The following POR variants were observed in gnomAD, a reference collection of about 807,000 sequenced individuals.
POR encodes the protein NADPH--cytochrome P450 reductase.
A neutral mutation model predicts 84.0 loss-of-function variants in POR; 56 were observed. That is an observed-to-expected ratio of 0.67 (90% CI 0.54 to 0.83). The LOEUF is 0.83. Ranked by LOEUF, POR falls within the 40% of genes least tolerant of loss-of-function variation. POR has a pLI of 0.00. For synonymous variants in POR, 414 were observed against 400.5 expected (o/e 1.03, Z -0.40); for missense variants, 938 against 944.3 (o/e 0.99, Z 0.09).
Position 75,942,967 on chromosome 7 carries a change from A to T in POR, c.-4-11022A>T, listed in dbSNP as rs1289634417. Among the ~76,000 whole-genome samples, 538 of 116,126 alleles carry T rather than the reference A, an allele frequency of 4.6e-3. 2 individuals are homozygous for T. The highest frequency in any genetic ancestry group is 6.2e-3 in the Non-Finnish European group (349 of 56,650). The allele number at this position is 116,126 out of a possible 152,430, so 76.2% of individuals were successfully genotyped here. ...TTTTTCTTTTTCTTTTTTTTTTTTTATTGAGATGGAGTCTTGCTCTGTCAC... is the reference window on the plus strand; with the variant it reads ...TTTTTCTTTTTCTTTTTTTTTTTTTTTTGAGATGGAGTCTTGCTCTGTCAC... On this transcript the variant is annotated intron_variant, in intron 1 of 15. Coordinates refer to ENST00000461988, the MANE Select transcript of POR (RefSeq NM_000941.3).
chr7:75,981,054 G>A lies in POR; in HGVS notation c.523G>A (p.Gly175Ser), dbSNP rs564863959. The change falls in exon 6 of 16, where the codon GGT becomes AGT. Residue 175 changes from glycine to serine, a missense_variant. By Grantham distance (56) the Gly-to-Ser change is moderately conservative. Transcript: ENST00000461988. ...GGCCCCTGTGTCCACGCAGGTGTTT[G>A]GTCTTGGGAACAAGACCTACGAGCA... 1.3e-6 allele frequency: 2 copies of A among 1,573,502 alleles called. No homozygotes were observed. Among genetic ancestry groups the A allele is most frequent in the Admixed American group, 3.6e-5 (2 of 55,086 alleles).
At chr7:75,962,210 C>T (rs1386182794) in intron 2 of POR, among the ~76,000 whole-genome samples, 1 of 152,072 alleles carries the variant, frequency 6.6e-6, no homozygotes, top group Non-Finnish European at 1.5e-5. Flanking sequence ...TAAACAAGAC[C>T]CATACACTGC....
In POR at chr7:75,933,545, C is replaced by T. The variant is rs577015540; in HGVS notation, c.-5+18366C>T. On this transcript the variant is annotated intron_variant, in intron 1 of 15. Coordinates refer to ENST00000461988, the MANE Select transcript of POR (RefSeq NM_000941.3). ...CCAGGATTACAGGCACCTGCCACCA[C>T]GCCTGGCTAATTTTTTGTATTTTTA... Among the ~76,000 whole-genome samples the T allele has an allele frequency of 1.6e-3, 240 of 151,946 alleles. 3 individuals carry two copies. Among genetic ancestry groups the T allele is most frequent in the South Asian group, 0.011 (52 of 4,796 alleles).
intron 1 of POR, among the ~76,000 whole-genome samples, chr7:75,952,410 G>A (rs1261880542): frequency 7.0e-6 from 1 of 141,990 alleles, no homozygotes; most frequent in Non-Finnish European, 1.6e-5. Context: ...GGCCGGGCGG[G>A]GGGCTGACCC....
At chr7:75,946,983 T>C (rs1361255110) in intron 1 of POR, 3 of 152,206 alleles carry the variant, frequency 2.0e-5, no homozygotes, top group Non-Finnish European at 4.4e-5. Context: ...CAAGTGATCA[T>C]TCTCAATGCG....
rs377159530 is a variant in POR, at chr7:75,985,693, G to A, written c.1513G>A (p.Glu505Lys). 1.3e-5 allele frequency: 21 copies of A among 1,591,368 alleles called. No homozygotes were observed. In the South Asian group the frequency reaches 2.1e-4, roughly 16 times the overall value. ...GCTGCGGGCCAAGGAGCCTGCCGGG[G>A]AGAACGGCGGCCGTGCGCTGGTGCC... The change falls in exon 13 of 16, where the codon GAG becomes AAG. Residue 505 changes from glutamate (E) to lysine (K), a missense_variant. By Grantham distance (56) the Glu-to-Lys change is moderately conservative. Coordinates refer to ENST00000461988, the MANE Select transcript of POR (RefSeq NM_000941.3).
intron 2 of POR, among the ~76,000 whole-genome samples, chr7:75,958,006 G>A (rs1261572661): frequency 6.6e-6 from 1 of 152,172 alleles, no homozygotes; most frequent in Admixed American, 6.5e-5. Flanking sequence ...GTAAGCTGGA[G>A]GTAGTAGTAG....
chr7:75,962,103 C>T (rs1554554596), intron 2 of POR, among the ~76,000 whole-genome samples: 1 of 152,158 alleles, frequency 6.6e-6, no homozygotes. Flanking sequence ...AGTAATTCTT[C>T]AGCATCGTTA....
Position 75,985,943 on chromosome 7 carries a change from C to G in POR, c.1690C>G (p.Leu564Val). The change falls in exon 14 of 16, where the codon CTG becomes GTG. Residue 564 changes from leucine to valine, a missense_variant. Leu to Val is a conservative substitution (Grantham distance 32, BLOSUM62 1). Coordinates refer to ENST00000461988, the MANE Select transcript of POR (RefSeq NM_000941.3). ...CGCAGGCAAGGAGGTGGGGGAGACG[C>G]TGCTGTACTACGGCTGCCGCCGCTC... 6.3e-7 allele frequency: 1 copy of G among 1,589,946 alleles called. No homozygotes were observed. The highest frequency in any genetic ancestry group is 8.6e-7 in the Non-Finnish European group (1 of 1,169,236).
chr7:75,941,558 C>T (rs1321573331), intron 1 of POR, among the ~76,000 whole-genome samples: 1 of 152,028 alleles, frequency 6.6e-6, no homozygotes, highest in Non-Finnish European at 1.5e-5. Flanking sequence ...CTAGAGTAGG[C>T]GCTAATAACT....
chr7:75,975,093 C>T (rs1788616259), intron 3 of POR, among the ~76,000 whole-genome samples: 1 of 151,896 alleles, frequency 6.6e-6, no homozygotes, highest in Non-Finnish European at 1.5e-5. Context: ...CTTTTCGTGA[C>T]TTCTGGTCTT....
Position 75,985,790 on chromosome 7 carries a change from G to A in POR, c.1610G>A (p.Gly537Asp). The change falls in exon 13 of 16, where the codon GGC becomes GAC. Residue 537 changes from glycine to aspartate, a missense_variant. Gly to Asp is a moderately conservative substitution (Grantham distance 94). Transcript: ENST00000461988. ...ACGCCTGTCATCATGGTGGGCCCCGGCACCGGGGTGGCACCCTTCATAGGC... is the reference window on the plus strand; with the variant it reads ...ACGCCTGTCATCATGGTGGGCCCCGACACCGGGGTGGCACCCTTCATAGGC... The A allele has an allele frequency of 6.4e-7, 1 of 1,569,152 alleles. No homozygotes were observed.
intron 1 of POR, among the ~76,000 whole-genome samples, chr7:75,942,776 G>A (rs549810521): frequency 6.6e-6 from 1 of 151,940 alleles, no homozygotes; most frequent in East Asian, 1.9e-4. Flanking sequence ...TTCATACAAT[G>A]TTAATTTCAT....
chr7:75,967,166 G>T (rs1788223251), intron 2 of POR, among the ~76,000 whole-genome samples: 1 of 152,122 alleles, frequency 6.6e-6, no homozygotes, highest in South Asian at 2.1e-4. Context: ...GTAGAGACAG[G>T]CTGTTTCGCC....
chr7:75,979,871 C>G (rs1218601389), intron 4 of POR: 2 of 415,290 alleles, frequency 4.8e-6, no homozygotes, highest in Non-Finnish European at 8.9e-6. Context: ...CAAACCCACC[C>G]TCCCCAGCTG....
At chr7:75,927,476 A>C (rs1360099071) in intron 1 of POR, among the ~76,000 whole-genome samples, 12 of 151,890 alleles carry the variant, frequency 7.9e-5, no homozygotes, top group Admixed American at 3.9e-4. Flanking sequence ...ACAACAACAA[A>C]AAAAACCCCA....
intron 1 of POR, among the ~76,000 whole-genome samples, chr7:75,951,524 C>G (rs953141792): frequency 6.6e-6 from 1 of 152,222 alleles, no homozygotes; most frequent in African/African-American, 2.4e-5. Flanking sequence ...CTGTTCCCAG[C>G]AGGTTGTGTA....
intron 1 of POR, among the ~76,000 whole-genome samples, chr7:75,930,661 T>G (rs1807367600): frequency 6.6e-6 from 1 of 151,982 alleles, no homozygotes; most frequent in South Asian, 2.1e-4. Flanking sequence ...TAGCTGGAAT[T>G]ACAAGCATGT....
chr7:75,978,751 C>T lies in POR; in HGVS notation c.238-700C>T, dbSNP rs561545568. On this transcript the variant is annotated intron_variant, in intron 3 of 15. Transcript: ENST00000461988. ...ATTGGTCAGGCTGGTCTTGAACTCTCGACCTCAAGTCATCCACCCGCCTTG... is the reference window on the plus strand; with the variant it reads ...ATTGGTCAGGCTGGTCTTGAACTCTTGACCTCAAGTCATCCACCCGCCTTG... Among the ~76,000 whole-genome samples the T allele has an allele frequency of 1.6e-4, 24 of 147,720 alleles. No homozygotes were observed. In the South Asian group the frequency reaches 1.9e-3, roughly 12 times the overall value.
Sources: gnomAD v4.1 joint callset for allele counts (sites outside exome capture counted in the v4.1 genomes callset) on GRCh38, gnomAD v4.1.1 for gene constraint, MANE v1.5 for transcripts, NCBI Gene and HGNC (gene_info 2026-07-23, HGNC 2026-07-21) for gene names.